Variants in DENND2B observed in about 807,000 individuals in gnomAD.
The protein encoded by DENND2B is DENN domain-containing protein 2B.
In DENND2B, 32 loss-of-function variants were observed where a neutral mutation model predicts 116.0. The observed-to-expected ratio is 0.28, with a 90% CI of 0.21 to 0.37. DENND2B has a LOEUF of 0.37. Among genes scored for constraint, DENND2B ranks in the 10% least tolerant of loss-of-function variants. The probability of loss-of-function intolerance (pLI) is 1.00; values close to 1 mark genes in which losing one functional copy is unlikely to be tolerated. For missense variants in DENND2B, 1,276 were observed against 1,477.7 expected, an observed-to-expected ratio of 0.86 and a Z score of 2.24; for synonymous variants, 588 against 583.9, an observed-to-expected ratio of 1.01 and a Z score of -0.10.
chr11:8,697,372 A>G (rs190416048), intron 17 of DENND2B, among the ~76,000 whole-genome samples, 153 bp downstream of exon 17: 9 of 152,352 alleles, frequency 5.9e-5, no homozygotes, highest in Non-Finnish European at 1.3e-4. Context: ...TTCCTAAACT[A>G]CCTGGGGTAG....
At chr11:8,909,454 AAGG>A (rs1043642151) in intron 1 of DENND2B, among the ~76,000 whole-genome samples, 7 of 151,850 alleles carry the variant, frequency 4.6e-5, no homozygotes, top group African/African-American at 1.7e-4. Flanking sequence ...GGAGAAGGAG[AAGG>A]AGAAGGAGAA....
upstream of DENND2B, among the ~76,000 whole-genome samples, chr11:8,814,709 C>T (rs2134520057): frequency 6.6e-6 from 1 of 152,320 alleles, no homozygotes; most frequent in Middle Eastern, 3.4e-3. Context: ...CAGAAGAGTT[C>T]CTTAGGATAC....
At chr11:8,824,767 C>A (rs1566020746) in intron 4 of DENND2B, among the ~76,000 whole-genome samples, 1 of 151,470 alleles carries the variant, frequency 6.6e-6, no homozygotes, top group Non-Finnish European at 1.5e-5. Context: ...CGGCTTGCTG[C>A]AGCCACCACC....
intron 3 of DENND2B, among the ~76,000 whole-genome samples, chr11:8,842,946 A>T (rs1240057400): frequency 6.6e-6 from 1 of 152,136 alleles, no homozygotes; most frequent in Non-Finnish European, 1.5e-5. Context: ...GCAAATTCAA[A>T]AATCAGGACA....
chr11:8,695,998 A>G, intron 18 of DENND2B: 1 of 249,238 alleles, frequency 4.0e-6, no homozygotes, highest in Non-Finnish European at 7.7e-6. Flanking sequence ...AGCAAAAAAC[A>G]AGATAACCAT....
intron 1 of DENND2B, among the ~76,000 whole-genome samples, chr11:8,806,605 A>AACCCACACACACACACACACAC (rs2060863496): frequency 8.4e-6 from 1 of 118,494 alleles, no homozygotes; most frequent in Non-Finnish European, 1.7e-5. Context: ...CTCCCTTCAA[A>AACCCACACACACACACACACAC]ACACACACAC....
chr11:8,856,801 T>C (rs1296601217), intron 3 of DENND2B, among the ~76,000 whole-genome samples: 1 of 151,540 alleles, frequency 6.6e-6, no homozygotes, highest in African/African-American at 2.4e-5. Context: ...TCACCCAGGC[T>C]AGAGTGCAGT....
rs1423446880 is a variant in DENND2B, at chr11:8,727,958, TACACAAACACACACACAC to T, written c.1341-1767_1341-1750del. Among the ~76,000 whole-genome samples, 12 of 118,060 alleles carry T rather than the reference TACACAAACACACACACAC, an allele frequency of 1.0e-4. 1 individual carries two copies. The South Asian group carries it at 2.6e-3, about 25-fold the overall frequency. The allele number at this position is 118,060 out of a possible 152,430, so 77.5% of individuals were successfully genotyped here. On this transcript the variant is annotated intron_variant, in intron 3 of 19. Coordinates refer to ENST00000313726, the MANE Select transcript of DENND2B (RefSeq NM_213618.2). ...GAAACATTTGGCTTGGCTTGCATTT[TACACAAACACACACACAC>T]ACACACACACACACACACACACACA...
chr11:8,735,627 T>C (rs1270493031), intron 2 of DENND2B, among the ~76,000 whole-genome samples: 1 of 152,228 alleles, frequency 6.6e-6, no homozygotes, highest in Non-Finnish European at 1.5e-5. Flanking sequence ...GATGTCTGGA[T>C]TGGATCTCTC....
rs1382837896 is a variant in DENND2B, at chr11:8,742,033, G to C, written c.80+8588C>G. 3.3e-5 allele frequency among the ~76,000 whole-genome samples: 5 copies of C among 152,228 alleles called. No homozygotes were observed. The East Asian group carries it at 9.6e-4, about 29-fold the overall frequency. On this transcript the variant is annotated intron_variant, in intron 2 of 19. Transcript: ENST00000313726. ...AGCCTCGTGAGTAGCTGGGAGCACA[G>C]GTGCATTCCAGCACACTGGGCTAAT... is the stretch of plus-strand genomic sequence containing the variant.
chr11:8,706,613 CCT>C (rs1450008429), intron 13 of DENND2B, among the ~76,000 whole-genome samples: 1 of 152,184 alleles, frequency 6.6e-6, no homozygotes, highest in Non-Finnish European at 1.5e-5. Context: ...AGCAGACTCC[CCT>C]GTTTCACACT....
intron 4 of DENND2B, among the ~76,000 whole-genome samples, chr11:8,836,465 A>C (rs2062431853): frequency 1.6e-5 from 2 of 128,268 alleles, no homozygotes; most frequent in Middle Eastern, 0.01. Context: ...TCTGTCGCCC[A>C]GGCTGGAGTG....
chr11:8,826,720 T>G (rs889570466), intron 4 of DENND2B, among the ~76,000 whole-genome samples: 1 of 152,162 alleles, frequency 6.6e-6, no homozygotes, highest in Non-Finnish European at 1.5e-5. Context: ...TTCCCCAAGG[T>G]TAAGAACTTA....
intron 4 of DENND2B, among the ~76,000 whole-genome samples, chr11:8,837,848 C>T (rs1243151034): frequency 2.0e-5 from 3 of 152,156 alleles, no homozygotes; most frequent in East Asian, 1.9e-4. Flanking sequence ...GACCAATCTC[C>T]GCATGATGGA....
Position 8,778,680 on chromosome 11 carries a change from T to C in DENND2B, c.-25-27955A>G, listed in dbSNP as rs2058018051. Reference sequence around the variant, plus strand: ...CCACGTACCCGGGGGCTGGGAGGCATGGTGCCAGTTTGGCCCACATTAGTC... The same window carrying C: ...CCACGTACCCGGGGGCTGGGAGGCACGGTGCCAGTTTGGCCCACATTAGTC... On this transcript the variant is annotated intron_variant, in intron 1 of 19. Coordinates refer to ENST00000313726, the MANE Select transcript of DENND2B (RefSeq NM_213618.2). Among the ~76,000 whole-genome samples, 4 of 152,228 alleles carry C rather than the reference T, an allele frequency of 2.6e-5. No homozygotes were observed. In the South Asian group the frequency reaches 8.3e-4, roughly 31 times the overall value.
intron 1 of DENND2B, chr11:8,785,667 C>A (rs2058836121): frequency 6.6e-6 from 1 of 152,184 alleles, no homozygotes; most frequent in South Asian, 2.1e-4. Flanking sequence ...GCAACTCCTG[C>A]CTAGCATGTG....
At chr11:8,696,772 AC>A in intron 17 of DENND2B, 106 bp from the exon 18 acceptor site, 1 of 1,501,212 alleles carries the variant, frequency 6.7e-7, no homozygotes, top group Non-Finnish European at 9.0e-7. Flanking sequence ...TCCAGCCAGT[AC>A]CACTCTTCTG....
chr11:8,753,974 A>C (rs1386446527), intron 1 of DENND2B, among the ~76,000 whole-genome samples: 1 of 151,448 alleles, frequency 6.6e-6, no homozygotes, highest in Non-Finnish European at 1.5e-5. Context: ...AACAGAAGTA[A>C]ATCTTTATGA....
At chr11:8,749,442 C>T (rs1271563325) in intron 2 of DENND2B, among the ~76,000 whole-genome samples, 3 of 152,236 alleles carry the variant, frequency 2.0e-5, no homozygotes, top group African/African-American at 2.4e-5. Flanking sequence ...CAGGATCTTA[C>T]GTACTTAACA....
Sources: gnomAD v4.1 joint callset for allele counts (sites outside exome capture counted in the v4.1 genomes callset) on GRCh38, gnomAD v4.1.1 for gene constraint, MANE v1.5 for transcripts, NCBI Gene and HGNC (gene_info 2026-07-23, HGNC 2026-07-21) for gene names.